The following LINGO2 variants were observed in gnomAD, a reference collection of about 807,000 sequenced individuals.
LINGO2 encodes the protein leucine rich repeat and Ig domain containing 2, also known as leucine-rich repeat and immunoglobulin-like domain-containing nogo receptor-interacting protein 2.
LINGO2 carries 14 observed loss-of-function variants against 30.6 expected under a neutral mutation model. That is an observed-to-expected ratio of 0.46 (90% CI 0.30 to 0.72). LINGO2 has a LOEUF of 0.72. Ranked by LOEUF, LINGO2 falls within the 30% of genes least tolerant of loss-of-function variation. LINGO2 has a pLI of 0.07. For missense variants in LINGO2, 729 were observed against 751.7 expected (o/e 0.97, Z 0.35); for synonymous variants, 317 against 288.5 (o/e 1.10, Z -1.00).
intron 2 of LINGO2, among the ~76,000 whole-genome samples, chr9:28,444,754 G>T (rs1035995209): frequency 6.6e-6 from 1 of 152,202 alleles, no homozygotes; most frequent in Non-Finnish European, 1.5e-5. Flanking sequence ...GCCTGAAGCT[G>T]CCCACCCCAC....
chr9:28,702,445 TTACCTGGAATAAATCCCACTCACA>T, the LINGO2 span, among the ~76,000 whole-genome samples: 1 of 151,844 alleles, frequency 6.6e-6, no homozygotes, highest in African/African-American at 2.4e-5. Context: ...TTCAAATCTA[TTACCTGGAATAAATCCCACTCACA>T]TACCTGGAAT....
chr9:27,987,033 CT>C (rs1245060595), intron 5 of LINGO2, among the ~76,000 whole-genome samples: 1 of 150,780 alleles, frequency 6.6e-6, no homozygotes, highest in South Asian at 2.1e-4. Flanking sequence ...TTATGGTCGA[CT>C]TTTTTTTGTG....
intron 4 of LINGO2, among the ~76,000 whole-genome samples, chr9:28,270,103 C>A (rs1162555311): frequency 1.3e-5 from 2 of 152,080 alleles, no homozygotes; most frequent in Non-Finnish European, 2.9e-5. Flanking sequence ...CCTGGCACTA[C>A]CCCAGATCAT....
the LINGO2 span, among the ~76,000 whole-genome samples, chr9:28,881,122 A>G: frequency 2.0e-5 from 3 of 151,830 alleles, no homozygotes; most frequent in African/African-American, 7.3e-5. Context: ...TTGTTTCTCT[A>G]CACTTTGTCT....
chr9:29,127,999 T>A, the LINGO2 span, among the ~76,000 whole-genome samples: 3 of 152,032 alleles, frequency 2.0e-5, no homozygotes, highest in African/African-American at 7.2e-5. Flanking sequence ...CACACCCAGT[T>A]CCTATGACTA....
intron 1 of LINGO2, among the ~76,000 whole-genome samples, chr9:28,600,661 AC>A (rs1400526177): frequency 6.6e-6 from 1 of 152,106 alleles, no homozygotes; most frequent in African/African-American, 2.4e-5. Flanking sequence ...GAGCTACAAA[AC>A]AAGGAGCTGT....
the LINGO2 span, among the ~76,000 whole-genome samples, chr9:29,030,422 T>A: frequency 6.6e-6 from 1 of 152,166 alleles, no homozygotes; most frequent in Non-Finnish European, 1.5e-5. Context: ...ATTTCACCTG[T>A]TGTCTAGTAA....
chr9:28,400,908 T>A (rs1309811955), intron 2 of LINGO2, among the ~76,000 whole-genome samples: 1 of 152,200 alleles, frequency 6.6e-6, no homozygotes, highest in Non-Finnish European at 1.5e-5. Context: ...TATATTTTAA[T>A]TTTTTATGTT....
chr9:27,988,846 C>G (rs913755962), intron 5 of LINGO2, among the ~76,000 whole-genome samples: 62 of 151,900 alleles, frequency 4.1e-4, no homozygotes, highest in Admixed American at 1.3e-4. Flanking sequence ...TGATTCCTGT[C>G]TTTCTCATAC....
At chr9:28,571,143 A>C (rs1823670480) in intron 1 of LINGO2, among the ~76,000 whole-genome samples, 1 of 152,032 alleles carries the variant, frequency 6.6e-6, no homozygotes, top group Admixed American at 6.6e-5. Context: ...GAATAAATCT[A>C]AGGTATCTTA....
At chr9:28,844,614 C>T in the LINGO2 span, among the ~76,000 whole-genome samples, 1 of 151,794 alleles carries the variant, frequency 6.6e-6, no homozygotes, top group Non-Finnish European at 1.5e-5. Flanking sequence ...CCCATCCCTA[C>T]TGTATGCTGG....
the LINGO2 span, among the ~76,000 whole-genome samples, chr9:28,891,780 A>ATGAGGTCACAATAAAGAAAATGGT: frequency 2.1e-5 from 3 of 141,486 alleles, no homozygotes; most frequent in Non-Finnish European, 4.8e-5. Context: ...CATGCAATTT[A>ATGAGGTCACAATAAAGAAAATGGT]TGAGGTCACA....
the LINGO2 span, among the ~76,000 whole-genome samples, chr9:28,718,040 G>A: frequency 6.6e-6 from 1 of 151,792 alleles, no homozygotes; most frequent in Non-Finnish European, 1.5e-5. Flanking sequence ...CAGAATACAG[G>A]AAGAATATAG....
At chr9:28,714,760 A>C in the LINGO2 span, among the ~76,000 whole-genome samples, 1 of 152,046 alleles carries the variant, frequency 6.6e-6, no homozygotes, top group Admixed American at 6.6e-5. Flanking sequence ...ATGTTGATTC[A>C]CTCTAAAATA....
At chr9:29,139,261 C>A in the LINGO2 span, among the ~76,000 whole-genome samples, 1 of 152,098 alleles carries the variant, frequency 6.6e-6, no homozygotes, top group Non-Finnish European at 1.5e-5. Context: ...TAGCCTAATA[C>A]CTTGATTACA....
At chr9:28,086,920 C>T (rs1162663530) in intron 4 of LINGO2, among the ~76,000 whole-genome samples, 1 of 152,108 alleles carries the variant, frequency 6.6e-6, no homozygotes, top group Admixed American at 6.6e-5. Flanking sequence ...CCACAGCACT[C>T]ACAATATGAC....
intron 5 of LINGO2, among the ~76,000 whole-genome samples, chr9:27,996,794 G>A (rs1821687438): frequency 6.6e-6 from 1 of 152,144 alleles, no homozygotes; most frequent in African/African-American, 2.4e-5. Flanking sequence ...AATGTTTGAG[G>A]TAGTGGATAT....
chr9:28,227,683 A>G (rs1821217018), intron 4 of LINGO2, among the ~76,000 whole-genome samples: 1 of 152,070 alleles, frequency 6.6e-6, no homozygotes, highest in African/African-American at 2.4e-5. Context: ...GAATCCCTCT[A>G]GTTAACAGCC....
At chr9:28,490,418 G>T (rs1040671110) in intron 1 of LINGO2, among the ~76,000 whole-genome samples, 1 of 152,170 alleles carries the variant, frequency 6.6e-6, no homozygotes. Flanking sequence ...AAACTTGGGT[G>T]AACTAGGAAT....
Sources: allele counts gnomAD v4.1 joint callset (sites outside exome capture counted in the v4.1 genomes callset), GRCh38; gene constraint gnomAD v4.1.1; transcripts MANE v1.5; gene names NCBI Gene and HGNC (gene_info 2026-07-23, HGNC 2026-07-21).